The following TENM2 variants were observed in gnomAD, a reference collection of about 807,000 sequenced individuals.
The protein encoded by TENM2 is teneurin transmembrane protein 2.
TENM2 carries 52 observed loss-of-function variants against 245.2 expected under a neutral mutation model. The observed-to-expected ratio is 0.21, with a 90% CI of 0.17 to 0.27. The LOEUF (loss-of-function observed/expected upper bound fraction) is 0.27. TENM2 is among the 10% of genes least tolerant of loss of function. The probability of loss-of-function intolerance (pLI) is 1.00; values close to 1 mark genes in which losing one functional copy is unlikely to be tolerated. For missense variants in TENM2, 3,046 were observed against 3,666.8 expected (o/e 0.83, Z 4.37); for synonymous variants, 1,363 against 1,438.9 (o/e 0.95, Z 1.19).
intron 2 of TENM2, among the ~76,000 whole-genome samples, chr5:167,858,478 T>G (rs1771293651): frequency 6.6e-6 from 1 of 152,232 alleles, no homozygotes; most frequent in South Asian, 2.1e-4. Context: ...TCTTTCAGCA[T>G]TTCTACCCTG....
At chr5:167,075,967 G>A in the TENM2 span, among the ~76,000 whole-genome samples, 1 of 152,200 alleles carries the variant, frequency 6.6e-6, no homozygotes. Context: ...ACATAAGCCA[G>A]TCTTTTCCCA....
chr5:167,248,501 G>A, the TENM2 span, among the ~76,000 whole-genome samples: 1 of 152,238 alleles, frequency 6.6e-6, no homozygotes, highest in Non-Finnish European at 1.5e-5. Context: ...GATTTCCCAG[G>A]TGGTGTCCGT....
intron 9 of TENM2, among the ~76,000 whole-genome samples, chr5:168,112,626 A>C (rs1398160857): frequency 7.8e-6 from 1 of 128,520 alleles, no homozygotes. Flanking sequence ...GTCAAACTTT[A>C]TTACTTTTCT....
At chr5:167,366,375 A>C (rs979414234) in intron 1 of TENM2, among the ~76,000 whole-genome samples, 1 of 152,140 alleles carries the variant, frequency 6.6e-6, no homozygotes, top group African/African-American at 2.4e-5. Context: ...TAAAGAAATA[A>C]AGCAAGTTTC....
At chr5:167,785,456 A>T (rs1225746035) in intron 2 of TENM2, among the ~76,000 whole-genome samples, 3 of 152,164 alleles carry the variant, frequency 2.0e-5, no homozygotes, top group Non-Finnish European at 4.4e-5. Context: ...TAGCTAACAC[A>T]CAATTGATTT....
chr5:167,640,860 CATAT>C (rs58985992), intron 2 of TENM2, among the ~76,000 whole-genome samples: 494 of 47,236 alleles, frequency 0.01, 6 homozygotes, highest in East Asian at 0.021. Flanking sequence ...TATATATATC[CATAT>C]ATATATATAT....
intron 3 of TENM2, among the ~76,000 whole-genome samples, chr5:167,920,727 T>C (rs928347208): frequency 1.3e-5 from 2 of 152,190 alleles, no homozygotes; most frequent in African/African-American, 2.4e-5. Context: ...CAGGCTTAAC[T>C]GGGTAAGACT....
Position 168,162,897 on chromosome 5 carries a change from G to A in TENM2, c.2569+140G>A. 1.2e-5 allele frequency: 13 copies of A among 1,051,596 alleles called. 1 individual carries two copies. In the South Asian group the frequency reaches 1.7e-4, roughly 14 times the overall value. 65.1% of individuals were successfully genotyped at this position (1,051,596 alleles called of 1,614,324 possible). A position where few individuals can be genotyped will look rare whatever the true frequency, so the allele number is the denominator to read the frequency against. On this transcript the variant is annotated intron_variant, in intron 13 of 28. Transcript: ENST00000518659. ...TAACATTTTCTTTGAAGCAAATGCA[G>A]CAGAGAACAGGTGTCCTTATGCCAG... is the stretch of plus-strand genomic sequence containing the variant.
the TENM2 span, among the ~76,000 whole-genome samples, chr5:167,099,428 G>A: frequency 1.4e-4 from 22 of 152,186 alleles, no homozygotes; most frequent in African/African-American, 5.1e-4. Context: ...GGGTGCAGTG[G>A]CTCACACCTG....
the TENM2 span, among the ~76,000 whole-genome samples, chr5:167,224,076 A>G: frequency 1.4e-4 from 22 of 152,158 alleles, no homozygotes; most frequent in African/African-American, 5.1e-4. Context: ...AGTTCCTTGT[A>G]TATTCTGGAT....
At chr5:167,736,328 T>G (rs749724883) in intron 2 of TENM2, among the ~76,000 whole-genome samples, 2 of 152,070 alleles carry the variant, frequency 1.3e-5, no homozygotes, top group African/African-American at 2.4e-5. Flanking sequence ...GGAACTACAA[T>G]TCAAGATGAG....
intron 13 of TENM2, among the ~76,000 whole-genome samples, chr5:168,179,634 A>G (rs1232986237): frequency 6.6e-6 from 1 of 152,228 alleles, no homozygotes; most frequent in Admixed American, 6.5e-5. Flanking sequence ...ACTCAGCATA[A>G]CAGTCACACA....
At chr5:167,572,620 T>C (rs12655922) in intron 2 of TENM2, among the ~76,000 whole-genome samples, 1 of 152,138 alleles carries the variant, frequency 6.6e-6, no homozygotes, top group Non-Finnish European at 1.5e-5. Flanking sequence ...GCAATTTACA[T>C]TCTTATAAAA....
intron 2 of TENM2, among the ~76,000 whole-genome samples, chr5:167,697,104 A>G (rs964866064): frequency 1.3e-5 from 2 of 152,184 alleles, no homozygotes; most frequent in Non-Finnish European, 2.9e-5. Context: ...TTTAGATGCC[A>G]ATAGCACCAC....
At chr5:166,982,709 AC>A in the TENM2 span, among the ~76,000 whole-genome samples, 1 of 150,954 alleles carries the variant, frequency 6.6e-6, no homozygotes, top group African/African-American at 2.4e-5. Flanking sequence ...ACAAGGAGAA[AC>A]CCCCCATTCT....
At chr5:167,188,283 C>T in the TENM2 span, among the ~76,000 whole-genome samples, 10 of 152,260 alleles carry the variant, frequency 6.6e-5, no homozygotes, top group South Asian at 1.5e-3. Flanking sequence ...AAGGTAGTCT[C>T]GCTAGGCCAA....
Position 168,250,156 on chromosome 5 carries a change from ATGGATGGATGGATGGG to A in TENM2, c.7432+1787_7432+1802del, listed in dbSNP as rs1766985494. 1.6e-5 allele frequency among the ~76,000 whole-genome samples: 2 copies of A among 124,376 alleles called. 1 individual carries two copies. Among genetic ancestry groups the A allele is most frequent in the South Asian group, 4.6e-4 (2 of 4,378 alleles). 81.6% of individuals were successfully genotyped at this position (124,376 alleles called of 152,430 possible). On this transcript the variant is annotated intron_variant, in intron 27 of 28. Coordinates refer to ENST00000518659, the Ensembl canonical transcript of TENM2. ...GATGGATGGATGGATGGATGGATGG[ATGGATGGATGGATGGG>A]TAAATAGATGGATAAATTGATGGAT...
intron 2 of TENM2, among the ~76,000 whole-genome samples, chr5:167,549,993 G>A (rs372255331): frequency 1.3e-5 from 2 of 152,154 alleles, no homozygotes; most frequent in Admixed American, 6.5e-5. Flanking sequence ...TTTGTGCTGC[G>A]ATGTGGTGAG....
intron 1 of TENM2, among the ~76,000 whole-genome samples, chr5:167,340,912 G>A (rs1758058760): frequency 6.6e-6 from 1 of 152,110 alleles, no homozygotes; most frequent in African/African-American, 2.4e-5. Flanking sequence ...TATTTCACCA[G>A]GATTCTAAAA....
Sources: allele counts gnomAD v4.1 joint callset (sites outside exome capture counted in the v4.1 genomes callset), GRCh38; gene constraint gnomAD v4.1.1; transcripts MANE v1.5; gene names NCBI Gene and HGNC (gene_info 2026-07-23, HGNC 2026-07-21).